SPATA16: variants seen among roughly 807,000 people sequenced by gnomAD.
SPATA16 encodes spermatogenesis-associated protein 16.
Under a neutral mutation model 63.3 loss-of-function variants are expected in SPATA16, and 36 were observed. The observed-to-expected ratio is 0.57, with a 90% confidence interval of 0.44 to 0.75. The LOEUF (loss-of-function observed/expected upper bound fraction) is 0.75. SPATA16 is among the 30% of genes least tolerant of loss of function. The pLI is 0.00. For missense variants in SPATA16, 646 were observed against 679.3 expected, an observed-to-expected ratio of 0.95 and a Z score of 0.54; for synonymous variants, 203 against 216.7, an observed-to-expected ratio of 0.94 and a Z score of 0.56.
At position 172,925,370 on chromosome 3, in the gene SPATA16, T is replaced by C. The variant is rs1732704646; in HGVS notation, c.1204A>G (p.Ser402Gly). Residue 402 changes from serine (S) to glycine (G), a missense_variant, in exon 7 of 11, where the codon AGC becomes GGC. Ser to Gly is a moderately conservative substitution (Grantham distance 56). Coordinates refer to ENST00000351008, the MANE Select transcript of SPATA16 (RefSeq NM_031955.6). ...CCTGTGAATATCGGCAGCTTCCTGCTTGATATTTTTTCCAAAAATTTTCCA... is the reference window on the plus strand; with the variant it reads ...CCTGTGAATATCGGCAGCTTCCTGCCTGATATTTTTTCCAAAAATTTTCCA... ...DDGKFLEKIS[S>G]RKLPIFTEHK... 1 of 1,613,886 alleles carries C rather than the reference T, an allele frequency of 6.2e-7. No homozygotes were observed. The highest frequency in any genetic ancestry group is 1.3e-5 in the African/African-American group (1 of 74,932).
chr3:173,089,132 GAGAT>G (rs1425546346), intron 2 of SPATA16, among the ~76,000 whole-genome samples: 5 of 152,186 alleles, frequency 3.3e-5, no homozygotes, highest in African/African-American at 1.2e-4. Flanking sequence ...GCCTAAATAA[GAGAT>G]AGGTTCTCCA....
intron 2 of SPATA16, among the ~76,000 whole-genome samples, chr3:173,109,966 G>A (rs1403878345): frequency 6.6e-6 from 1 of 152,008 alleles, no homozygotes; most frequent in Non-Finnish European, 1.5e-5. Flanking sequence ...TTTAATCAGT[G>A]TTTAATTATT....
At chr3:172,889,766 G>A (rs925095347) in intron 10 of SPATA16, 74 bp from the exon 11 acceptor site, 73 of 1,577,570 alleles carry the variant, frequency 4.6e-5, no homozygotes, top group Non-Finnish European at 5.4e-5. Flanking sequence ...AAAACGGTGA[G>A]GTATTTAAAA....
chr3:173,019,184 C>A (rs914000502), intron 4 of SPATA16, among the ~76,000 whole-genome samples: 1 of 152,066 alleles, frequency 6.6e-6, no homozygotes, highest in Non-Finnish European at 1.5e-5. Context: ...ACAATGTGGA[C>A]AAGAACATCC....
chr3:172,901,586 G>T (rs932563385), intron 10 of SPATA16, among the ~76,000 whole-genome samples: 1 of 152,168 alleles, frequency 6.6e-6, no homozygotes, highest in African/African-American at 2.4e-5. Flanking sequence ...GATCTTTCCG[G>T]TTTTTGGTGT....
chr3:172,944,665 G>A (rs1051265637), intron 6 of SPATA16, among the ~76,000 whole-genome samples: 4 of 152,188 alleles, frequency 2.6e-5, no homozygotes, highest in African/African-American at 9.7e-5. Flanking sequence ...CCTTAGAAAG[G>A]AAGGAAAATC....
intron 3 of SPATA16, among the ~76,000 whole-genome samples, chr3:173,029,232 C>T (rs764023024): frequency 3.3e-5 from 5 of 151,890 alleles, no homozygotes; most frequent in Non-Finnish European, 5.9e-5. Flanking sequence ...AGTATATTCA[C>T]GAAAATTTCT....
chr3:173,045,280 C>A (rs574972975), intron 3 of SPATA16, among the ~76,000 whole-genome samples: 1 of 152,138 alleles, frequency 6.6e-6, no homozygotes, highest in South Asian at 2.1e-4. Flanking sequence ...ATATCCATGT[C>A]CCTGAACTAG....
At chr3:173,006,508 A>C (rs746607022) in intron 4 of SPATA16, among the ~76,000 whole-genome samples, 67 of 152,252 alleles carry the variant, frequency 4.4e-4, no homozygotes, top group Non-Finnish European at 7.9e-4. Flanking sequence ...TTAGACTTCT[A>C]AGTGAATAAG....
At chr3:172,924,603 C>G (rs1017288303) in intron 7 of SPATA16, among the ~76,000 whole-genome samples, 1 of 152,174 alleles carries the variant, frequency 6.6e-6, no homozygotes, top group Non-Finnish European at 1.5e-5. Flanking sequence ...TCTTCAGACT[C>G]TGTTTTTCCT....
intron 8 of SPATA16, among the ~76,000 whole-genome samples, chr3:172,921,299 G>A (rs1399950338): frequency 6.6e-6 from 1 of 152,078 alleles, no homozygotes; most frequent in Non-Finnish European, 1.5e-5. Flanking sequence ...TAGTATTAAG[G>A]ATGACTGAAA....
intron 8 of SPATA16, among the ~76,000 whole-genome samples, chr3:172,923,658 G>C (rs374706728): frequency 1.1e-4 from 16 of 152,094 alleles, no homozygotes; most frequent in South Asian, 2.1e-4. Flanking sequence ...TCTTATTTTG[G>C]GCTCTTTAAG....
At chr3:172,966,018 T>G (rs540795713) in intron 5 of SPATA16, among the ~76,000 whole-genome samples, 2 of 152,226 alleles carry the variant, frequency 1.3e-5, no homozygotes, top group African/African-American at 4.8e-5. Context: ...TGACTTCCCA[T>G]GCTTTCATCC....
intron 6 of SPATA16, among the ~76,000 whole-genome samples, chr3:172,954,249 CGCCTTACATGGCA>C (rs1203528924): frequency 6.6e-6 from 1 of 152,158 alleles, no homozygotes; most frequent in Non-Finnish European, 1.5e-5. Flanking sequence ...AAGAAAATCA[CGCCTTACATGGCA>C]GCAGGCAGGA....
chr3:172,921,231 G>C (rs554428398), intron 8 of SPATA16, among the ~76,000 whole-genome samples: 2 of 151,848 alleles, frequency 1.3e-5, no homozygotes, highest in South Asian at 4.2e-4. Flanking sequence ...ATTCTACTAG[G>C]GTAAAGAGTT....
At chr3:172,906,891 G>A (rs77086146) in intron 10 of SPATA16, among the ~76,000 whole-genome samples, 14,818 of 152,020 alleles carry the variant, frequency 0.097, 828 homozygotes, top group African/African-American at 0.15. Context: ...ACAGGTGCCC[G>A]CTACCACGCC....
chr3:173,083,179 A>G (rs2108314594), intron 2 of SPATA16, among the ~76,000 whole-genome samples: 1 of 152,160 alleles, frequency 6.6e-6, no homozygotes, highest in South Asian at 2.1e-4. Flanking sequence ...TATAAACAAA[A>G]CTCATCCACA....
At chr3:173,063,230 A>T (rs1266115398) in intron 2 of SPATA16, among the ~76,000 whole-genome samples, 1 of 152,230 alleles carries the variant, frequency 6.6e-6, no homozygotes. Context: ...AGATAGGTCA[A>T]CATGTATTGA....
chr3:173,072,193 G>T (rs1736691715), intron 2 of SPATA16, among the ~76,000 whole-genome samples: 1 of 152,150 alleles, frequency 6.6e-6, no homozygotes, highest in Non-Finnish European at 1.5e-5. Flanking sequence ...ATTGGATAAA[G>T]AAAATGTGGC....
Sources: allele counts gnomAD v4.1 joint callset (sites outside exome capture counted in the v4.1 genomes callset), GRCh38; gene constraint gnomAD v4.1.1; transcripts MANE v1.5; gene names NCBI Gene and HGNC (gene_info 2026-07-23, HGNC 2026-07-21).